Variants in UVRAG observed in about 807,000 individuals in gnomAD.
UVRAG encodes UV radiation resistance-associated gene protein.
UVRAG carries 19 observed loss-of-function variants against 78.0 expected under a neutral mutation model. That is an observed-to-expected ratio of 0.24 (90% CI 0.17 to 0.36). The LOEUF (loss-of-function observed/expected upper bound fraction) is 0.36. Among genes scored for constraint, UVRAG ranks in the 10% least tolerant of loss-of-function variants. The pLI is 1.00. For missense variants in UVRAG, 740 were observed against 853.8 expected (o/e 0.87, Z 1.66); for synonymous variants, 323 against 324.6 (o/e 1.00, Z 0.05).
At chr11:75,918,775 C>G (rs1344053905) in intron 6 of UVRAG, among the ~76,000 whole-genome samples, 1 of 152,074 alleles carries the variant, frequency 6.6e-6, no homozygotes, top group Non-Finnish European at 1.5e-5. Flanking sequence ...AACTATTGTT[C>G]AGGTTACTAG....
chr11:75,892,262 T>A (rs141556572), intron 5 of UVRAG: 29 of 897,716 alleles, frequency 3.2e-5, no homozygotes, highest in Middle Eastern at 5.7e-4. Context: ...AGCCATCAGA[T>A]CAGTCATCTG....
intron 7 of UVRAG, among the ~76,000 whole-genome samples, chr11:75,981,686 A>C (rs1162637025): frequency 6.6e-6 from 1 of 151,502 alleles, no homozygotes; most frequent in African/African-American, 2.4e-5. Flanking sequence ...GATGACACAA[A>C]AGTTAGCTCT....
chr11:76,000,934 A>G (rs1949802182), intron 8 of UVRAG, among the ~76,000 whole-genome samples: 1 of 152,198 alleles, frequency 6.6e-6, no homozygotes, highest in South Asian at 2.1e-4. Flanking sequence ...AAACCACAAC[A>G]CTCATCCTCA....
At chr11:75,843,063 T>C (rs1041273071) in intron 1 of UVRAG, among the ~76,000 whole-genome samples, 2 of 152,230 alleles carry the variant, frequency 1.3e-5, no homozygotes, top group Non-Finnish European at 2.9e-5. Context: ...TCTCTAATGC[T>C]TGATGCAGAA....
intron 13 of UVRAG, 21 bp downstream of exon 13, chr11:76,065,809 T>G (rs1951173774): frequency 6.2e-7 from 1 of 1,608,188 alleles, no homozygotes. Flanking sequence ...GTTCTTCACT[T>G]CTCTCCTACT....
At chr11:75,882,582 A>G (rs755803910) in intron 4 of UVRAG, among the ~76,000 whole-genome samples, 4 of 152,052 alleles carry the variant, frequency 2.6e-5, no homozygotes, top group South Asian at 2.1e-4. Context: ...TTTGCTTACC[A>G]TACTTTTTAT....
intron 13 of UVRAG, among the ~76,000 whole-genome samples, chr11:76,101,856 G>T (rs1337436169): frequency 6.6e-6 from 1 of 152,128 alleles, no homozygotes; most frequent in Non-Finnish European, 1.5e-5. Flanking sequence ...TCCATTGCTT[G>T]TTTTTGTCAG....
At chr11:76,118,926 ATGGTAGAACCTAGAAAAAAACTAC>A (rs772744605) in intron 14 of UVRAG, among the ~76,000 whole-genome samples, 67 of 152,226 alleles carry the variant, frequency 4.4e-4, no homozygotes, top group Admixed American at 1.2e-3. Flanking sequence ...TCTTAAAGGT[ATGGTAGAACCTAGAAAAAAACTAC>A]TGTTTTTTGT....
chr11:76,018,333 AAGAT>A (rs1194433349), intron 12 of UVRAG, among the ~76,000 whole-genome samples: 4 of 152,058 alleles, frequency 2.6e-5, no homozygotes, highest in African/African-American at 7.2e-5. Context: ...AAAAAAAAAA[AAGAT>A]AGAGCTTTAT....
chr11:75,898,519 T>C (rs1387393470), intron 5 of UVRAG, among the ~76,000 whole-genome samples: 3 of 152,170 alleles, frequency 2.0e-5, no homozygotes, highest in African/African-American at 7.2e-5. Context: ...TAAGTACTTA[T>C]GGAATAAAAA....
At chr11:76,139,838 G>A (rs576665005) in intron 14 of UVRAG, among the ~76,000 whole-genome samples, 1 of 152,106 alleles carries the variant, frequency 6.6e-6, no homozygotes, top group East Asian at 1.9e-4. Flanking sequence ...TATAAAGTTT[G>A]TATAACTGAA....
At chr11:75,925,474 A>G (rs1948080046) in intron 6 of UVRAG, among the ~76,000 whole-genome samples, 1 of 152,198 alleles carries the variant, frequency 6.6e-6, no homozygotes, top group Admixed American at 6.5e-5. Flanking sequence ...TAATAACCTT[A>G]TTCCTACAGT....
chr11:75,927,319 T>G (rs1948131968), intron 6 of UVRAG, among the ~76,000 whole-genome samples: 1 of 152,162 alleles, frequency 6.6e-6, no homozygotes, highest in Admixed American at 6.5e-5. Flanking sequence ...TCCGTCTGCC[T>G]TGGCCTCCCA....
intron 1 of UVRAG, among the ~76,000 whole-genome samples, chr11:75,842,918 T>C (rs547399009): frequency 4.7e-4 from 72 of 152,326 alleles, no homozygotes; most frequent in Non-Finnish European, 9.1e-4. Flanking sequence ...GATGGTTTAG[T>C]TTGGTGATGG....
At chr11:76,132,260 A>G (rs970224194) in intron 14 of UVRAG, among the ~76,000 whole-genome samples, 1 of 152,248 alleles carries the variant, frequency 6.6e-6, no homozygotes, top group Admixed American at 6.5e-5. Flanking sequence ...ATAGATTGCT[A>G]CAAGGAGGGA....
In UVRAG at chr11:75,969,211, G is replaced by T. The variant is rs539009583; in HGVS notation, c.699+7662G>T. 3.3e-5 allele frequency among the ~76,000 whole-genome samples: 5 copies of T among 152,252 alleles called. No individual in the cohort carries two copies. In the East Asian group the frequency reaches 9.6e-4, roughly 29 times the overall value. ...GTCTCCGTGACTTTGACTGTACTCT[G>T]AGTAACTCATATAAGTGAAATCATG... On this transcript the variant is annotated intron_variant, in intron 7 of 14. Transcript: ENST00000356136.
intron 5 of UVRAG, among the ~76,000 whole-genome samples, chr11:75,890,535 G>T (rs1814594518): frequency 6.6e-6 from 1 of 152,200 alleles, no homozygotes; most frequent in South Asian, 2.1e-4. Context: ...AAAACTAAGT[G>T]ACACTGGAGG....
chr11:75,876,237 T>A (rs1946776664), intron 3 of UVRAG, among the ~76,000 whole-genome samples: 1 of 152,196 alleles, frequency 6.6e-6, no homozygotes, highest in African/African-American at 2.4e-5. Context: ...CATCAGTCAT[T>A]ATCAGAAATG....
intron 6 of UVRAG, among the ~76,000 whole-genome samples, chr11:75,935,297 T>C (rs1736642301): frequency 6.6e-6 from 1 of 152,228 alleles, no homozygotes; most frequent in South Asian, 2.1e-4. Flanking sequence ...GTGGGAGCTC[T>C]TCTCCAAGGT....
Sources: allele counts gnomAD v4.1 joint callset (sites outside exome capture counted in the v4.1 genomes callset), GRCh38; gene constraint gnomAD v4.1.1; transcripts MANE v1.5; gene names NCBI Gene and HGNC (gene_info 2026-07-23, HGNC 2026-07-21).